MYL12B: variants seen among roughly 807,000 people sequenced by gnomAD.
The protein encoded by MYL12B is myosin regulatory light chain 12B.
A neutral mutation model predicts 12.9 loss-of-function variants in MYL12B; 3 were observed. The ratio of observed to expected loss-of-function variants is 0.23; its 90% CI spans 0.11 to 0.60. The LOEUF is 0.60. MYL12B is among the 20% of genes least tolerant of loss of function. The probability of loss-of-function intolerance (pLI) is 0.89; values close to 1 mark genes in which losing one functional copy is unlikely to be tolerated. For synonymous variants in MYL12B, 57 were observed against 71.9 expected, an observed-to-expected ratio of 0.79 and a Z score of 1.05; for missense variants, 120 against 215.4, an observed-to-expected ratio of 0.56 and a Z score of 2.77.
At position 3,265,511 on chromosome 18, in the gene MYL12B, T is replaced by C. The variant is rs564242047; in HGVS notation, c.-16+3274T>C. ...GTGAGTTCATCTACTCTGAGGGCTTTACCTTGTGCCTCTGCTCACAAATCA... is the reference window on the plus strand; with the variant it reads ...GTGAGTTCATCTACTCTGAGGGCTTCACCTTGTGCCTCTGCTCACAAATCA... On this transcript the variant is annotated intron_variant, in intron 1 of 3. Transcript: ENST00000237500. Among the ~76,000 whole-genome samples the C allele has an allele frequency of 1.4e-3, 210 of 152,232 alleles. 3 individuals are homozygous for C. In the South Asian group the frequency reaches 0.029, roughly 21 times the overall value.
In MYL12B at chr18:3,275,994, C is replaced by T. The variant is rs534085273; in HGVS notation, c.185-1259C>T. Among the ~76,000 whole-genome samples the T allele has an allele frequency of 5.9e-5, 9 of 152,142 alleles. No homozygotes were observed. The South Asian group carries it at 1.5e-3, about 25-fold the overall frequency. ...CCCAAATTCCCAGAATTAAAACTTA[C>T]ATATGAACTATAATGGTAGCTTTGA... On this transcript the variant is annotated intron_variant, in intron 2 of 3. Coordinates refer to ENST00000237500, the MANE Select transcript of MYL12B (RefSeq NM_033546.4).
chr18:3,269,923 G>T (rs1317561466), intron 1 of MYL12B, among the ~76,000 whole-genome samples: 1 of 152,190 alleles, frequency 6.6e-6, no homozygotes, highest in Admixed American at 6.5e-5. Flanking sequence ...GTTCTTCAAG[G>T]TTGGGACCCT....
At chr18:3,269,999 A>G (rs1343084167) in intron 1 of MYL12B, among the ~76,000 whole-genome samples, 1 of 152,192 alleles carries the variant, frequency 6.6e-6, no homozygotes, top group African/African-American at 2.4e-5. Context: ...GTCTCTCCAA[A>G]GAAAAGAGGG....
chr18:3,263,819 C>A (rs1049795261), intron 1 of MYL12B, among the ~76,000 whole-genome samples: 2 of 152,148 alleles, frequency 1.3e-5, no homozygotes, highest in African/African-American at 4.8e-5. Context: ...TTTCAGCTGC[C>A]TGTATGCAGG....
intron 1 of MYL12B, among the ~76,000 whole-genome samples, chr18:3,263,781 C>G (rs1480982880): frequency 6.6e-6 from 1 of 152,170 alleles, no homozygotes; most frequent in Non-Finnish European, 1.5e-5. Flanking sequence ...TTGTTATGCC[C>G]AGGTATCCAC....
rs1166370792 is a variant in MYL12B at position 3,262,296 on chromosome 18, C to CT, written c.-16+59_-16+60insT. On this transcript the variant is annotated intron_variant, in intron 1 of 3. Transcript: ENST00000237500. ...TCGGGCCGCCGTCTCCGTACCCCCG[C>CT]GCCCCCTCCCGTCGCGCGCCTGCGG... 5.2e-4 allele frequency: 52 copies of CT among 100,038 alleles called. No individual in the cohort carries two copies. The Admixed American group carries it at 5.7e-3, about 11-fold the overall frequency. 6.2% of individuals were successfully genotyped at this position (100,038 alleles called of 1,614,324 possible).
At chr18:3,272,179 AC>A (rs1321537722) in intron 1 of MYL12B, 1 of 982,482 alleles carries the variant, frequency 1.0e-6, no homozygotes, top group African/African-American at 1.7e-5. Flanking sequence ...TTTGAACATG[AC>A]TAGTCTTTTT....
chr18:3,266,288 A>G (rs2081633637), intron 1 of MYL12B, among the ~76,000 whole-genome samples: 1 of 152,228 alleles, frequency 6.6e-6, no homozygotes, highest in Admixed American at 6.5e-5. Flanking sequence ...GTTCCCTGCC[A>G]CATGGATCTC....
chr18:3,271,952 C>CCCAGCAG, intron 1 of MYL12B: 1 of 544,288 alleles, frequency 1.8e-6, no homozygotes, highest in Non-Finnish European at 2.3e-6. Context: ...TGTCTGTAAT[C>CCCAGCAG]CCAGCAGTTT....
chr18:3,277,695 G>A, intron 3 of MYL12B, 70 bp from the exon 4 acceptor site: 1 of 1,521,416 alleles, frequency 6.6e-7, no homozygotes, highest in South Asian at 1.3e-5. Context: ...CGATTGACAA[G>A]CTTTAGGAAT....
intron 1 of MYL12B, among the ~76,000 whole-genome samples, chr18:3,271,811 T>G (rs886556087): frequency 1.3e-5 from 2 of 151,854 alleles, no homozygotes; most frequent in African/African-American, 2.4e-5. Flanking sequence ...AAATGACAAG[T>G]GCCTTTTCTG....
At chr18:3,274,787 T>G (rs1472385531) in intron 2 of MYL12B, among the ~76,000 whole-genome samples, 1 of 152,046 alleles carries the variant, frequency 6.6e-6, no homozygotes, top group African/African-American at 2.4e-5. Context: ...AAGTACGGAG[T>G]CTTTCTCAGG....
chr18:3,278,237 A>C lies in MYL12B; in HGVS notation c.*300A>C, dbSNP rs748301401. ...TGGATTTTTACATTTTTATATAATA[A>C]AAATGTTATTTTGAAATAAAGATTA... On this transcript the variant is annotated 3_prime_UTR_variant, in exon 4 of 4. Coordinates refer to ENST00000237500, the MANE Select transcript of MYL12B (RefSeq NM_033546.4). 2 of 224,822 alleles carry C rather than the reference A, an allele frequency of 8.9e-6. No homozygotes were observed. Among genetic ancestry groups the C allele is most frequent in the Non-Finnish European group, 1.7e-5 (2 of 115,536 alleles). 13.9% of individuals were successfully genotyped at this position (224,822 alleles called of 1,614,324 possible).
intron 2 of MYL12B, 151 bp from the exon 3 acceptor site, chr18:3,277,102 A>G (rs2081738768): frequency 8.0e-7 from 1 of 1,251,552 alleles, no homozygotes; most frequent in Admixed American, 3.7e-5. Context: ...GTTGTCAAAA[A>G]TAATCTTTTT....
At chr18:3,274,864 A>C (rs1303457597) in intron 2 of MYL12B, among the ~76,000 whole-genome samples, 1 of 152,226 alleles carries the variant, frequency 6.6e-6, no homozygotes, top group African/African-American at 2.4e-5. Flanking sequence ...TATTGGTAGG[A>C]ATGTAAATAA....
intron 1 of MYL12B, among the ~76,000 whole-genome samples, chr18:3,263,301 G>T (rs146331244): frequency 3.3e-5 from 5 of 152,342 alleles, no homozygotes; most frequent in African/African-American, 1.2e-4. Context: ...ATTTGGAATG[G>T]TCTTTTGGTA....
chr18:3,270,988 A>G (rs1019817576), intron 1 of MYL12B, among the ~76,000 whole-genome samples: 2 of 152,202 alleles, frequency 1.3e-5, no homozygotes, highest in African/African-American at 4.8e-5. Context: ...GTTTTTAAAA[A>G]TAAATATTTA....
At chr18:3,276,862 C>T (rs2081735939) in intron 2 of MYL12B, 2 of 868,816 alleles carry the variant, frequency 2.3e-6, no homozygotes, top group South Asian at 5.3e-5. Context: ...CATAGTGAAA[C>T]CCAGTCTTTA....
chr18:3,274,520 A>C (rs191741807), intron 2 of MYL12B, among the ~76,000 whole-genome samples: 1 of 152,380 alleles, frequency 6.6e-6, no homozygotes, highest in Non-Finnish European at 1.5e-5. Flanking sequence ...TGGTAGAAGA[A>C]GATTTATAGA....
Sources: gnomAD v4.1 joint callset for allele counts (sites outside exome capture counted in the v4.1 genomes callset) on GRCh38, gnomAD v4.1.1 for gene constraint, MANE v1.5 for transcripts, NCBI Gene and HGNC (gene_info 2026-07-23, HGNC 2026-07-21) for gene names.